The following GPM6A variants were observed in gnomAD, a reference collection of about 807,000 sequenced individuals.
GPM6A encodes the protein neuronal membrane glycoprotein M6-a.
In GPM6A, 7 loss-of-function variants were observed where a neutral mutation model predicts 32.1. That is an observed-to-expected ratio of 0.22 (90% CI 0.12 to 0.41). The LOEUF is 0.41. Ranked by LOEUF, GPM6A falls within the 10% of genes least tolerant of loss-of-function variation. The pLI, the probability that GPM6A is intolerant of heterozygous loss-of-function variation, is 1.00. For synonymous variants in GPM6A, 130 were observed against 123.4 expected, an observed-to-expected ratio of 1.05 and a Z score of -0.35; for missense variants, 235 against 347.2, an observed-to-expected ratio of 0.68 and a Z score of 2.57.
At chr4:175,745,183 G>A (rs116664755) in intron 1 of GPM6A, among the ~76,000 whole-genome samples, 15 of 152,006 alleles carry the variant, frequency 9.9e-5, no homozygotes, top group East Asian at 1.9e-4. Context: ...ATATTCATGC[G>A]CTAAATGTAA....
At chr4:175,885,445 C>A (rs557003970) in intron 1 of GPM6A, among the ~76,000 whole-genome samples, 1 of 152,266 alleles carries the variant, frequency 6.6e-6, no homozygotes, top group East Asian at 1.9e-4. Flanking sequence ...ACTTGGATAA[C>A]ATAGTGAGAC....
At chr4:175,776,543 T>C (rs1733403345) in intron 1 of GPM6A, among the ~76,000 whole-genome samples, 1 of 152,176 alleles carries the variant, frequency 6.6e-6, no homozygotes, top group South Asian at 2.1e-4. Context: ...GTCTCTAATA[T>C]ATTCAACCAT....
intron 4 of GPM6A, among the ~76,000 whole-genome samples, chr4:175,650,278 ATTTATTTATT>A (rs1004384504): frequency 1.2e-4 from 1 of 8,146 alleles, no homozygotes; most frequent in Non-Finnish European, 1.2e-3. Context: ...TATTTTATTT[ATTTATTTATT>A]TATTTATTTA....
At chr4:175,850,008 G>GT (rs1337029095) in intron 1 of GPM6A, among the ~76,000 whole-genome samples, 1 of 152,086 alleles carries the variant, frequency 6.6e-6, no homozygotes, top group Non-Finnish European at 1.5e-5. Flanking sequence ...AGTAAAGGCT[G>GT]TAACTAAACA....
chr4:175,688,251 G>T (rs973679046), intron 2 of GPM6A, among the ~76,000 whole-genome samples: 2 of 151,996 alleles, frequency 1.3e-5, no homozygotes, highest in African/African-American at 4.8e-5. Flanking sequence ...TGACTTTTGT[G>T]TCATATCCAA....
intron 1 of GPM6A, among the ~76,000 whole-genome samples, chr4:175,820,854 C>A (rs1346021656): frequency 6.6e-6 from 1 of 152,166 alleles, no homozygotes. Flanking sequence ...TCTCTTTTCG[C>A]AACTTCTTCC....
chr4:175,774,687 GAAC>G (rs1417408506), intron 1 of GPM6A, among the ~76,000 whole-genome samples: 1 of 151,908 alleles, frequency 6.6e-6, no homozygotes, highest in African/African-American at 2.4e-5. Context: ...TGTCACAATT[GAAC>G]AACAGAGCAA....
intron 1 of GPM6A, among the ~76,000 whole-genome samples, chr4:175,724,300 T>C (rs1746291788): frequency 1.3e-5 from 2 of 152,210 alleles, no homozygotes; most frequent in Non-Finnish European, 1.5e-5. Flanking sequence ...ATCCCAGCAC[T>C]TTGGGAGGCC....
chr4:175,767,504 T>C (rs1352763600), intron 1 of GPM6A, among the ~76,000 whole-genome samples: 3 of 152,222 alleles, frequency 2.0e-5, no homozygotes, highest in South Asian at 2.1e-4. Context: ...ATTCTTCGTC[T>C]AGTGTTTTAA....
chr4:175,816,589 G>A (rs1339105115), upstream of GPM6A, among the ~76,000 whole-genome samples: 4 of 152,160 alleles, frequency 2.6e-5, no homozygotes, highest in Admixed American at 2.6e-4. Flanking sequence ...AAAAATGTTC[G>A]TAGTCCCTGG....
intron 1 of GPM6A, among the ~76,000 whole-genome samples, chr4:175,912,576 A>T (rs1738356446): frequency 1.3e-5 from 2 of 152,280 alleles, no homozygotes; most frequent in South Asian, 4.1e-4. Context: ...AATGGCTTGA[A>T]CTTGGGAGGC....
chr4:176,000,474 A>G (rs931110014), intron 1 of GPM6A, among the ~76,000 whole-genome samples: 9 of 152,204 alleles, frequency 5.9e-5, no homozygotes, highest in African/African-American at 2.2e-4. Flanking sequence ...TGTTTTCACT[A>G]TAGTAAGGAA....
intron 1 of GPM6A, among the ~76,000 whole-genome samples, chr4:175,721,161 A>T (rs1746111724): frequency 6.9e-6 from 1 of 145,788 alleles, no homozygotes; most frequent in South Asian, 2.1e-4. Flanking sequence ...ATATATATAT[A>T]TATATTTTCT....
At chr4:175,672,263 G>T (rs955970161) in intron 3 of GPM6A, among the ~76,000 whole-genome samples, 3 of 151,976 alleles carry the variant, frequency 2.0e-5, no homozygotes, top group Non-Finnish European at 4.4e-5. Context: ...TTATTTTTTC[G>T]TTAGGGTTTT....
At chr4:175,739,700 G>A (rs1259466325) in intron 1 of GPM6A, among the ~76,000 whole-genome samples, 1 of 151,836 alleles carries the variant, frequency 6.6e-6, no homozygotes, top group African/African-American at 2.4e-5. Flanking sequence ...AAGGTTCAGG[G>A]GCAAAAGTGA....
chr4:175,778,627 C>CAAAAAA (rs34286041), intron 1 of GPM6A, among the ~76,000 whole-genome samples: 858 of 75,112 alleles, frequency 0.011, 1 homozygote, highest in Middle Eastern at 0.022. Context: ...CTGTATCCAA[C>CAAAAAA]AAAAAAAAAA....
intron 1 of GPM6A, among the ~76,000 whole-genome samples, chr4:175,719,911 G>A (rs1281902647): frequency 6.6e-6 from 1 of 152,112 alleles, no homozygotes; most frequent in Non-Finnish European, 1.5e-5. Flanking sequence ...GGAAATATTA[G>A]TTCAAAGTCC....
At chr4:175,889,113 G>A (rs1200250093) in intron 1 of GPM6A, among the ~76,000 whole-genome samples, 1 of 152,066 alleles carries the variant, frequency 6.6e-6, no homozygotes, top group Non-Finnish European at 1.5e-5. Context: ...TTCAAATTAT[G>A]CACACATACA....
chr4:175,827,774 C>T (rs150090107), intron 1 of GPM6A, among the ~76,000 whole-genome samples: 57 of 152,224 alleles, frequency 3.7e-4, no homozygotes, highest in Non-Finnish European at 3.8e-4. Flanking sequence ...GTTTCCCATT[C>T]GTAAATGAGG....
Sources: allele counts gnomAD v4.1 joint callset (sites outside exome capture counted in the v4.1 genomes callset), GRCh38; gene constraint gnomAD v4.1.1; transcripts MANE v1.5; gene names NCBI Gene and HGNC (gene_info 2026-07-23, HGNC 2026-07-21).